CRB1: variants seen among roughly 807,000 people sequenced by gnomAD.
CRB1 encodes the protein crumbs cell polarity complex component 1, also known as protein crumbs homolog 1.
A neutral mutation model predicts 120.0 loss-of-function variants in CRB1; 83 were observed. The ratio of observed to expected loss-of-function variants is 0.69; its 90% CI spans 0.58 to 0.83. CRB1 has a LOEUF of 0.83. Ranked by LOEUF, CRB1 falls within the 40% of genes least tolerant of loss-of-function variation. The pLI is 0.00. For synonymous variants in CRB1, 625 were observed against 612.5 expected (o/e 1.02, Z -0.30); for missense variants, 1,699 against 1,687.6 (o/e 1.01, Z -0.12).
intron 11 of CRB1, chr1:197,442,559 A>G (rs926743735): frequency 7.0e-7 from 1 of 1,420,942 alleles, no homozygotes. Flanking sequence ...TATTTTAAAC[A>G]TATCAGAAGC....
intron 5 of CRB1, among the ~76,000 whole-genome samples, chr1:197,419,001 A>G (rs1664148479): frequency 6.6e-6 from 1 of 152,192 alleles, no homozygotes; most frequent in East Asian, 1.9e-4. Context: ...ATTCTTTCCT[A>G]CTACTTTTTA....
chr1:197,221,170 G>A, the CRB1 span, among the ~76,000 whole-genome samples: 3 of 152,154 alleles, frequency 2.0e-5, no homozygotes, highest in African/African-American at 7.2e-5. Context: ...GCCATGTTGG[G>A]TAGAGAGAAG....
intron 5 of CRB1, chr1:197,363,754 C>T (rs1006111259): frequency 5.0e-6 from 3 of 594,868 alleles, no homozygotes; most frequent in Non-Finnish European, 6.3e-6. Flanking sequence ...GCCATCCCTG[C>T]CCTTTCCATG....
chr1:197,236,871 G>T, the CRB1 span, among the ~76,000 whole-genome samples: 3 of 152,092 alleles, frequency 2.0e-5, no homozygotes, highest in African/African-American at 7.2e-5. Context: ...TTTTGTTGTG[G>T]TATATAATTC....
At position 197,427,873 on chromosome 1, in the gene CRB1, G is replaced by A. The variant is rs776591659; in HGVS notation, c.2548G>A (p.Gly850Ser). 5.0e-5 allele frequency: 80 copies of A among 1,613,896 alleles called. No homozygotes were observed. The highest frequency in any genetic ancestry group is 6.3e-5 in the Non-Finnish European group (74 of 1,179,994). ...ETELNGGFFK[G>S]CIQDVRLNNQ... ...TGAACTTAATGGTGGATTCTTCAAA[G>A]GCTGTATCCAAGATGTAAGACTAAA... The change falls in exon 7 of 12, where the codon GGC becomes AGC. Residue 850 changes from glycine to serine, a missense_variant. Transcript: ENST00000367400.
chr1:197,377,240 C>T (rs894046991), intron 5 of CRB1, among the ~76,000 whole-genome samples: 2 of 151,974 alleles, frequency 1.3e-5, no homozygotes, highest in Non-Finnish European at 2.9e-5. Flanking sequence ...TTAATCTCCC[C>T]TCTCTCAGTC....
chr1:197,322,957 C>T (rs987978696), intron 1 of CRB1, among the ~76,000 whole-genome samples: 2 of 152,042 alleles, frequency 1.3e-5, no homozygotes, highest in African/African-American at 4.8e-5. Flanking sequence ...ATTCCTGAAA[C>T]TCAATTCCAT....
chr1:197,315,343 T>C (rs1023516637), intron 1 of CRB1, among the ~76,000 whole-genome samples: 2 of 152,230 alleles, frequency 1.3e-5, no homozygotes, highest in Non-Finnish European at 2.9e-5. Context: ...ACATATGAAC[T>C]ATTTATTATC....
intron 5 of CRB1, among the ~76,000 whole-genome samples, chr1:197,376,114 C>T (rs1002060979): frequency 6.6e-6 from 1 of 152,120 alleles, no homozygotes; most frequent in African/African-American, 2.4e-5. Flanking sequence ...CATTCTATTG[C>T]TAGCATATCC....
chr1:197,421,799 C>A lies in CRB1; in HGVS notation c.1971C>A (p.Asn657Lys). 6.2e-7 allele frequency: 1 copy of A among 1,614,198 alleles called. No individual in the cohort carries two copies. Among genetic ancestry groups the A allele is most frequent in the Non-Finnish European group, 8.5e-7 (1 of 1,180,028 alleles). The change falls in exon 6 of 12, where the codon AAC (asparagine) becomes AAA (lysine). Residue 657 changes from asparagine (N) to lysine (K), a missense_variant. Asn to Lys is a moderately conservative substitution (Grantham distance 94, BLOSUM62 0). Transcript: ENST00000367400. ...ATTGGAATCACATTACCCTGGAGAA[C>A]ATCTCGTCTGGCTCATCATTAAATG... ...KIDWNHITLE[N>K]ISSGSSLNVK...
At chr1:197,400,433 C>G (rs557200348) in intron 5 of CRB1, among the ~76,000 whole-genome samples, 1 of 150,750 alleles carries the variant, frequency 6.6e-6, no homozygotes, top group Admixed American at 6.6e-5. Flanking sequence ...ATCCTCCCAT[C>G]TTGGCCTCTA....
the CRB1 span, among the ~76,000 whole-genome samples, chr1:197,229,712 G>A: frequency 6.6e-6 from 1 of 152,086 alleles, no homozygotes; most frequent in Admixed American, 6.6e-5. Context: ...GGGGTATTTG[G>A]TTTTCTGTTT....
At chr1:197,368,051 G>C (rs1464815394) in intron 5 of CRB1, among the ~76,000 whole-genome samples, 2 of 152,118 alleles carry the variant, frequency 1.3e-5, no homozygotes, top group Non-Finnish European at 2.9e-5. Context: ...AACTAAAATA[G>C]CCATAGAGGG....
the CRB1 span, among the ~76,000 whole-genome samples, chr1:197,237,641 A>G: frequency 1.3e-5 from 2 of 152,196 alleles, no homozygotes; most frequent in Non-Finnish European, 1.5e-5. Context: ...TTAAGTTATC[A>G]TATTTGTAGA....
intron 11 of CRB1, among the ~76,000 whole-genome samples, chr1:197,470,080 A>C (rs561623249): frequency 1.3e-5 from 2 of 152,318 alleles, no homozygotes; most frequent in Admixed American, 6.5e-5. Context: ...CTGTGTTGAT[A>C]AAGTCAATAG....
chr1:197,286,613 A>C (rs1404168777), intron 1 of CRB1, among the ~76,000 whole-genome samples: 1 of 151,896 alleles, frequency 6.6e-6, no homozygotes, highest in Non-Finnish European at 1.5e-5. Context: ...ATGAAACATG[A>C]ATTTTGAAAT....
chr1:197,272,919 A>C (rs554359283), intron 1 of CRB1, among the ~76,000 whole-genome samples: 2 of 152,220 alleles, frequency 1.3e-5, no homozygotes, highest in African/African-American at 4.8e-5. Flanking sequence ...TTAGGAAATC[A>C]AGGAAATCCC....
chr1:197,266,440 T>A (rs1420672860), upstream of CRB1, among the ~76,000 whole-genome samples: 2 of 152,074 alleles, frequency 1.3e-5, no homozygotes, highest in Non-Finnish European at 2.9e-5. Context: ...ACTCCCCACC[T>A]CTTAATACTA....
At chr1:197,298,376 A>G (rs954766168) in intron 1 of CRB1, among the ~76,000 whole-genome samples, 4 of 152,086 alleles carry the variant, frequency 2.6e-5, no homozygotes, top group Non-Finnish European at 5.9e-5. Flanking sequence ...TAAAGAAGGT[A>G]CCTCTAACAG....
Sources: allele counts gnomAD v4.1 joint callset (sites outside exome capture counted in the v4.1 genomes callset), GRCh38; gene constraint gnomAD v4.1.1; transcripts MANE v1.5; gene names NCBI Gene and HGNC (gene_info 2026-07-23, HGNC 2026-07-21).